Variants in DSCAM observed in about 807,000 individuals in gnomAD.
DSCAM encodes cell adhesion molecule DSCAM.
In DSCAM, 47 loss-of-function variants were observed where a neutral mutation model predicts 217.7. That is an observed-to-expected ratio of 0.22 (90% confidence interval 0.17 to 0.28). The LOEUF is 0.28. Among genes scored for constraint, DSCAM ranks in the 10% least tolerant of loss-of-function variants. DSCAM has a pLI of 1.00. For synonymous variants in DSCAM, 1,056 were observed against 1,015.3 expected (o/e 1.04, Z -0.76); for missense variants, 2,080 against 2,618.3 (o/e 0.79, Z 4.49).
At chr21:40,844,097 T>C (rs1375713447) in intron 1 of DSCAM, among the ~76,000 whole-genome samples, 1 of 152,204 alleles carries the variant, frequency 6.6e-6, no homozygotes, top group Non-Finnish European at 1.5e-5. Context: ...AGTTGAGGTA[T>C]AACAAAATAT....
In DSCAM at chr21:40,276,148, T is replaced by C; in HGVS notation, c.2305A>G (p.Ser769Gly). The C allele has an allele frequency of 6.2e-7, 1 of 1,612,244 alleles. No individual in the cohort carries two copies. The highest frequency in any genetic ancestry group is 8.5e-7 in the Non-Finnish European group (1 of 1,179,196). Residue 769 changes from serine to glycine, a missense_variant, in exon 11 of 33, where the codon AGC becomes GGC. By Grantham distance (56) the Ser-to-Gly change is moderately conservative. Coordinates refer to ENST00000400454, the MANE Select transcript of DSCAM (RefSeq NM_001389.5). Reference sequence around the variant, plus strand: ...CTGACGTCTGCGCCCACATCGTTGCTGACCTTGCAGAGGTAGTAGCCACTG... The same window carrying C: ...CTGACGTCTGCGCCCACATCGTTGCCGACCTTGCAGAGGTAGTAGCCACTG... ...EDSGYYLCKV[S>G]NDVGADVSKS... is the part of the protein sequence containing the mutation.
At chr21:40,718,761 C>A (rs888500177) in intron 1 of DSCAM, among the ~76,000 whole-genome samples, 1 of 152,144 alleles carries the variant, frequency 6.6e-6, no homozygotes, top group Non-Finnish European at 1.5e-5. Flanking sequence ...AGGAAAATAT[C>A]TGACAAAAGA....
chr21:40,017,419 G>A (rs926632929), intron 32 of DSCAM, among the ~76,000 whole-genome samples: 4 of 152,174 alleles, frequency 2.6e-5, no homozygotes, highest in African/African-American at 9.7e-5. Context: ...GGGAATGGCA[G>A]CATGTAATTC....
At chr21:40,807,757 A>T (rs1000027425) in intron 1 of DSCAM, among the ~76,000 whole-genome samples, 1 of 152,142 alleles carries the variant, frequency 6.6e-6, no homozygotes, top group Non-Finnish European at 1.5e-5. Context: ...GAGAAGAGAG[A>T]AAAAGGGAAG....
intron 11 of DSCAM, among the ~76,000 whole-genome samples, chr21:40,206,248 T>C (rs148642780): frequency 3.3e-5 from 5 of 152,296 alleles, no homozygotes; most frequent in Admixed American, 2.0e-4. Flanking sequence ...AGTAGGTGTG[T>C]CCCTAATGAC....
chr21:40,512,910 A>T (rs1021921939), intron 3 of DSCAM, among the ~76,000 whole-genome samples: 12 of 151,842 alleles, frequency 7.9e-5, no homozygotes, highest in Non-Finnish European at 1.0e-4. Context: ...TTATTTATTT[A>T]TTTTTTGAGA....
chr21:40,569,905 A>G (rs995154504), intron 3 of DSCAM, among the ~76,000 whole-genome samples: 7 of 152,152 alleles, frequency 4.6e-5, no homozygotes, highest in Non-Finnish European at 2.9e-5. Flanking sequence ...GAATTAGCAA[A>G]CAGCAGAAAA....
intron 6 of DSCAM, among the ~76,000 whole-genome samples, chr21:40,347,269 G>C (rs2074568661): frequency 1.4e-5 from 2 of 145,802 alleles, no homozygotes; most frequent in Admixed American, 1.4e-4. Flanking sequence ...CTGCACTCCA[G>C]CCTGGGCAGC....
intron 1 of DSCAM, among the ~76,000 whole-genome samples, chr21:40,712,469 CAA>C (rs571819417): frequency 5.3e-3 from 146 of 27,294 alleles, no homozygotes; most frequent in African/African-American, 0.01. Context: ...GACTCCGTCT[CAA>C]AAAAAAAAAA....
intron 3 of DSCAM, among the ~76,000 whole-genome samples, chr21:40,478,394 T>C (rs1269561670): frequency 6.6e-6 from 1 of 152,210 alleles, no homozygotes; most frequent in East Asian, 1.9e-4. Flanking sequence ...GGGAGTGGAA[T>C]GGCTTTGCCA....
intron 1 of DSCAM, among the ~76,000 whole-genome samples, chr21:40,753,177 T>C (rs1047255929): frequency 6.6e-6 from 1 of 152,204 alleles, no homozygotes; most frequent in African/African-American, 2.4e-5. Context: ...TTTAACACAT[T>C]TGGAGAGAGT....
intron 1 of DSCAM, among the ~76,000 whole-genome samples, chr21:40,743,057 A>C (rs1331706198): frequency 3.3e-5 from 5 of 152,228 alleles, no homozygotes; most frequent in Non-Finnish European, 7.3e-5. Flanking sequence ...TTACTGAAGA[A>C]GACTTCTGCA....
At position 40,012,918 on chromosome 21, in the gene DSCAM, T is replaced by TTTAATA; in HGVS notation, c.*115_*116insTATTAA. ...TTTCAGTATTTTCTCTTTTTTTTTT[T>TTTAATA]TAATATATTTTGGCAATTTTCTTTA... is the stretch of plus-strand genomic sequence containing the variant. On this transcript the variant is annotated 3_prime_UTR_variant, in exon 33 of 33. Transcript: ENST00000400454. The TTTAATA allele has an allele frequency of 1.3e-6, 1 of 763,932 alleles. No individual in the cohort carries two copies. The highest frequency in any genetic ancestry group is 1.8e-6 in the Non-Finnish European group (1 of 541,912). 47.3% of individuals were successfully genotyped at this position (763,932 alleles called of 1,614,324 possible).
At chr21:40,064,094 T>G (rs537317289) in intron 27 of DSCAM, among the ~76,000 whole-genome samples, 15 of 151,398 alleles carry the variant, frequency 9.9e-5, no homozygotes, top group African/African-American at 3.7e-4. Context: ...CCTCTTTCCC[T>G]GAATGATTTA....
chr21:40,726,899 G>C (rs2090961395), intron 1 of DSCAM, among the ~76,000 whole-genome samples: 1 of 152,056 alleles, frequency 6.6e-6, no homozygotes, highest in Non-Finnish European at 1.5e-5. Context: ...AGTGGGACTG[G>C]TGACTTTATA....
intron 3 of DSCAM, among the ~76,000 whole-genome samples, chr21:40,595,915 G>C (rs1196231205): frequency 6.6e-6 from 1 of 152,218 alleles, no homozygotes; most frequent in Non-Finnish European, 1.5e-5. Flanking sequence ...AGTCATCCCT[G>C]TTGGTAATGG....
At chr21:40,498,461 T>C (rs1041321758) in intron 3 of DSCAM, among the ~76,000 whole-genome samples, 1 of 151,588 alleles carries the variant, frequency 6.6e-6, no homozygotes, top group Non-Finnish European at 1.5e-5. Flanking sequence ...TTCCCTAGGA[T>C]TGGAAGAAAG....
At position 40,183,286 on chromosome 21, in the gene DSCAM, G is replaced by A. The variant is rs562006844; in HGVS notation, c.2779+3845C>T. ...TATGCTCGAAGGGATGTTAAAGGTG[G>A]CCTTGGGTCCTTGTAGGGGAGAAGC... On this transcript the variant is annotated intron_variant, in intron 14 of 32. Transcript: ENST00000400454. Among the ~76,000 whole-genome samples, 10 of 152,314 alleles carry A rather than the reference G, an allele frequency of 6.6e-5. No individual in the cohort carries two copies. In the East Asian group the frequency reaches 1.9e-3, roughly 29 times the overall value.
At chr21:40,755,471 TA>T (rs758605687) in intron 1 of DSCAM, among the ~76,000 whole-genome samples, 2 of 139,386 alleles carry the variant, frequency 1.4e-5, no homozygotes, top group East Asian at 4.2e-4. Flanking sequence ...AAATAAAAAA[TA>T]AAAAAGTTTT....
Sources: gnomAD v4.1 joint callset for allele counts (sites outside exome capture counted in the v4.1 genomes callset) on GRCh38, gnomAD v4.1.1 for gene constraint, MANE v1.5 for transcripts, NCBI Gene and HGNC (gene_info 2026-07-23, HGNC 2026-07-21) for gene names.